ZDHHC17: variants seen among roughly 807,000 people sequenced by gnomAD.
ZDHHC17 encodes palmitoyltransferase ZDHHC17.
In ZDHHC17, 40 loss-of-function variants were observed where a neutral mutation model predicts 90.3. That is an observed-to-expected ratio of 0.44 (90% CI 0.34 to 0.58). ZDHHC17 has a LOEUF of 0.58. Ranked by LOEUF, ZDHHC17 falls within the 20% of genes least tolerant of loss-of-function variation. ZDHHC17 has a pLI of 0.01. For missense variants in ZDHHC17, 614 were observed against 780.8 expected, an observed-to-expected ratio of 0.79 and a Z score of 2.55; for synonymous variants, 235 against 252.4, an observed-to-expected ratio of 0.93 and a Z score of 0.65.
At chr12:76,796,455 A>G (rs1295644178) in intron 1 of ZDHHC17, among the ~76,000 whole-genome samples, 1 of 152,134 alleles carries the variant, frequency 6.6e-6, no homozygotes, top group Non-Finnish European at 1.5e-5. Flanking sequence ...TACAGCATGT[A>G]AACTTTGAAT....
chr12:76,779,296 G>A (rs903477992), intron 1 of ZDHHC17, among the ~76,000 whole-genome samples: 7 of 152,032 alleles, frequency 4.6e-5, no homozygotes, highest in Non-Finnish European at 7.4e-5. Context: ...CTGTTCTCAC[G>A]CTGCTAATAA....
chr12:76,794,406 A>G (rs956564291), intron 1 of ZDHHC17, among the ~76,000 whole-genome samples: 8 of 152,202 alleles, frequency 5.3e-5, no homozygotes, highest in Non-Finnish European at 1.0e-4. Context: ...TCACATTGAC[A>G]AGGTACTAGT....
intron 10 of ZDHHC17, among the ~76,000 whole-genome samples, chr12:76,830,365 A>G (rs907612944): frequency 2.0e-5 from 3 of 152,204 alleles, no homozygotes; most frequent in Non-Finnish European, 4.4e-5. Flanking sequence ...GACCTAAGGC[A>G]CAGAATTGTA....
At chr12:76,797,091 C>T (rs1362971423) in intron 1 of ZDHHC17, among the ~76,000 whole-genome samples, 4 of 151,762 alleles carry the variant, frequency 2.6e-5, no homozygotes, top group African/African-American at 7.3e-5. Context: ...GGTGAAACCC[C>T]GTCTCAGCTA....
rs146117427 is a variant in ZDHHC17 at position 76,774,886 on chromosome 12, G to C, written c.93+10557G>C. 2.1e-3 allele frequency among the ~76,000 whole-genome samples: 319 copies of C among 152,332 alleles called. 3 individuals are homozygous for C. Among genetic ancestry groups the C allele is most frequent in the African/African-American group, 7.1e-3 (297 of 41,578 alleles). On this transcript the variant is annotated intron_variant, in intron 1 of 16. Coordinates refer to ENST00000426126, the MANE Select transcript of ZDHHC17 (RefSeq NM_015336.4). ...AGCGAAATTGCAATAGTGACTGTCA[G>C]TGCCTGTGCATGTGGCATCTTTGTG... is the stretch of plus-strand genomic sequence containing the variant.
At chr12:76,821,069 G>A in intron 7 of ZDHHC17, 1 of 1,289,412 alleles carries the variant, frequency 7.8e-7, no homozygotes, top group Non-Finnish European at 1.0e-6. Flanking sequence ...CAATCCTTAG[G>A]TGTCACATGG....
intron 8 of ZDHHC17, among the ~76,000 whole-genome samples, chr12:76,823,051 G>GCTGT (rs3045264): frequency 0.61 from 92,236 of 151,356 alleles, 28,122 homozygotes; most frequent in East Asian, 0.67. Flanking sequence ...ACCTTTTGGG[G>GCTGT]CTAATAATTA....
chr12:76,853,374 TG>T lies in ZDHHC17; in HGVS notation c.*2391del, dbSNP rs1489134232. 1 of 152,606 alleles carries T rather than the reference TG, an allele frequency of 6.6e-6. No homozygotes were observed. Among genetic ancestry groups the T allele is most frequent in the African/African-American group, 2.4e-5 (1 of 41,454 alleles). 9.5% of individuals were successfully genotyped at this position (152,606 alleles called of 1,614,324 possible). On this transcript the variant is annotated 3_prime_UTR_variant, in exon 17 of 17. Coordinates refer to ENST00000426126, the MANE Select transcript of ZDHHC17 (RefSeq NM_015336.4). ...TGGGAATAGTTCTTATCAACTTAAT[TG>T]GATACTTTTAGCAAATAGGAACTTA...
rs149024972 is a variant in ZDHHC17, at chr12:76,778,180, T to C, written c.93+13851T>C. Among the ~76,000 whole-genome samples, 38 of 152,266 alleles carry C rather than the reference T, an allele frequency of 2.5e-4. No individual in the cohort carries two copies. In the East Asian group the frequency reaches 6.6e-3, roughly 26 times the overall value. ...GTCAGTGAGATGAAGAAGTCTATAT[T>C]GCAGACAGTCACACAGGCAAGGGAA... On this transcript the variant is annotated intron_variant, in intron 1 of 16. Coordinates refer to ENST00000426126, the MANE Select transcript of ZDHHC17 (RefSeq NM_015336.4).
chr12:76,851,043 G>A lies in ZDHHC17; in HGVS notation c.*58G>A, dbSNP rs746676571. ...TGGTGCCTGAAAATTGTGTCTGTCC[G>A]TGTCTTTCTCACACTCGAATCCACA... On this transcript the variant is annotated 3_prime_UTR_variant, in exon 17 of 17. Coordinates refer to ENST00000426126, the MANE Select transcript of ZDHHC17 (RefSeq NM_015336.4). The A allele has an allele frequency of 6.2e-5, 100 of 1,605,276 alleles. No individual in the cohort carries two copies. Among genetic ancestry groups the A allele is most frequent in the African/African-American group, 1.6e-4 (12 of 74,708 alleles).
chr12:76,841,834 T>C, intron 10 of ZDHHC17, 148 bp from the exon 11 acceptor site: 2 of 496,940 alleles, frequency 4.0e-6, no homozygotes, highest in Non-Finnish European at 6.1e-6. Flanking sequence ...AGAAGTCACA[T>C]TATTTTTACA....
At chr12:76,784,465 T>G (rs1952663426) in intron 1 of ZDHHC17, among the ~76,000 whole-genome samples, 2 of 152,186 alleles carry the variant, frequency 1.3e-5, no homozygotes, top group African/African-American at 4.8e-5. Flanking sequence ...ATGGATAACT[T>G]GTTTTAAGAA....
chr12:76,782,717 A>G (rs1224215155), intron 1 of ZDHHC17, among the ~76,000 whole-genome samples: 2 of 152,150 alleles, frequency 1.3e-5, no homozygotes, highest in Non-Finnish European at 2.9e-5. Context: ...AGAAGTGGAC[A>G]GTGACTGAAG....
intron 2 of ZDHHC17, among the ~76,000 whole-genome samples, chr12:76,803,767 C>A (rs1952921471): frequency 6.6e-6 from 1 of 152,076 alleles, no homozygotes; most frequent in Admixed American, 6.5e-5. Flanking sequence ...AATTTAAGGC[C>A]CGAAACCAAA....
At chr12:76,782,901 G>C (rs1009851757) in intron 1 of ZDHHC17, among the ~76,000 whole-genome samples, 30 of 152,030 alleles carry the variant, frequency 2.0e-4, no homozygotes, top group African/African-American at 7.0e-4. Context: ...AGGGGCGGGG[G>C]ATTCTTGCTA....
At chr12:76,822,662 C>G (rs1953179707) in intron 8 of ZDHHC17, 131 bp downstream of exon 8, 1 of 694,626 alleles carries the variant, frequency 1.4e-6, no homozygotes, top group East Asian at 2.8e-5. Flanking sequence ...TAAAGTGATT[C>G]TTGTGCCTCA....
At chr12:76,806,992 G>T (rs1242097607) in intron 3 of ZDHHC17, among the ~76,000 whole-genome samples, 1 of 152,138 alleles carries the variant, frequency 6.6e-6, no homozygotes, top group Non-Finnish European at 1.5e-5. Context: ...TGAGGGTAAA[G>T]GTGCACTAAA....
At chr12:76,821,110 C>T (rs761917768) in intron 7 of ZDHHC17, 20 of 1,287,818 alleles carry the variant, frequency 1.6e-5, no homozygotes, top group Middle Eastern at 2.1e-4. Flanking sequence ...TCAGCTGGAC[C>T]GAGGCAACTG....
At chr12:76,770,352 C>T (rs1952478358) in intron 1 of ZDHHC17, among the ~76,000 whole-genome samples, 1 of 152,026 alleles carries the variant, frequency 6.6e-6, no homozygotes, top group African/African-American at 2.4e-5. Context: ...CCCTTTTGCC[C>T]TATTTGATGT....
Sources: allele counts gnomAD v4.1 joint callset (sites outside exome capture counted in the v4.1 genomes callset), GRCh38; gene constraint gnomAD v4.1.1; transcripts MANE v1.5; gene names NCBI Gene and HGNC (gene_info 2026-07-23, HGNC 2026-07-21).